Variants in TTN observed in about 807,000 individuals in gnomAD.
TTN encodes the protein titin, also known as connectin.
A neutral mutation model predicts 3,223.0 loss-of-function variants in TTN; 1,525 were observed. The observed-to-expected ratio is 0.47, with a 90% CI of 0.45 to 0.49. The LOEUF (loss-of-function observed/expected upper bound fraction) is 0.49, where lower values mean the gene tolerates loss of function less well. TTN is among the 20% of genes least tolerant of loss of function. The pLI is 0.00. For missense variants in TTN, 40,786 were observed against 43,424.0 expected (o/e 0.94, Z 5.40); for synonymous variants, 14,094 against 15,161.0 (o/e 0.93, Z 5.17).
chr2:178,628,052 A>T (rs928904323), intron 240 of TTN, among the ~76,000 whole-genome samples: 9 of 152,090 alleles, frequency 5.9e-5, no homozygotes, highest in Non-Finnish European at 1.3e-4. Flanking sequence ...CCCATGCTAC[A>T]AATGGAATGT....
Position 178,568,637 on chromosome 2 carries a change from G to A in TTN, c.77495C>T (p.Thr25832Ile). The A allele has an allele frequency of 6.2e-7, 1 of 1,613,404 alleles. No homozygotes were observed. The change falls in exon 326 of 363, where the codon ACT (threonine) becomes ATT (isoleucine). Residue 25832 changes from threonine to isoleucine, a missense_variant. Transcript: ENST00000589042. Reference protein sequence around the residue: ...SGRPKPTITWTKDGLPLKQTT... With the variant: ...SGRPKPTITWIKDGLPLKQTT... The stretch of plus-strand genomic sequence containing the variant: ...CTGCTTCAGTGGGAGACCATCTTTA[G>A]TCCAGGTAATGGTTGGCTTAGGACG...
intron 111 of TTN, among the ~76,000 whole-genome samples, chr2:178,700,592 T>C (rs181184578): frequency 5.3e-5 from 8 of 152,348 alleles, no homozygotes; most frequent in Non-Finnish European, 1.0e-4. Flanking sequence ...AGCAATTCCT[T>C]GGAACACTTA....
intron 250 of TTN, 95 bp from the exon 251 acceptor site, chr2:178,618,948 T>G: frequency 6.8e-7 from 1 of 1,480,538 alleles, no homozygotes; most frequent in Non-Finnish European, 9.0e-7. Flanking sequence ...ATTGGTTACA[T>G]AACCTTGGAA....
Position 178,554,046 on chromosome 2 carries a change from G to A in TTN, c.89065C>T (p.Arg29689Cys), listed in dbSNP as rs781635476. The part of the protein sequence containing the change: ...GWFKVLKETI[R>C]DTRQKVTGLT... The stretch of plus-strand genomic sequence containing the variant: ...CCTGTTACTTTTTGTCTGGTGTCAC[G>A]GATAGTCTCTTTTAGTACTTTAAAC... The change falls in exon 333 of 363, where the codon CGT (arginine) becomes TGT (cysteine). Residue 29689 changes from arginine (R) to cysteine (C), a missense_variant. Physicochemically the swap from Arg to Cys is radical, Grantham distance 180 (BLOSUM62 -3). Transcript: ENST00000589042. The A allele has an allele frequency of 1.4e-5, 23 of 1,613,630 alleles. No individual in the cohort carries two copies. Among genetic ancestry groups the A allele is most frequent in the Admixed American group, 5.0e-5 (3 of 59,974 alleles).
chr2:178,775,189 G>A lies in TTN; in HGVS notation c.6522C>T (p.Ile2174=). 1 of 1,613,862 alleles carries A rather than the reference G, an allele frequency of 6.2e-7. No homozygotes were observed. The highest frequency in any genetic ancestry group is 8.5e-7 in the Non-Finnish European group (1 of 1,179,952). Residue 2174 remains isoleucine, a synonymous_variant, in exon 29 of 363, where the codon ATC becomes ATT. Transcript: ENST00000589042. Reference sequence around the variant, plus strand: ...CATCTTGTAATTCCTGTGTGAAAGTGATCAATTGCTTGGCTACAAGAAAAA... The same window carrying A: ...CATCTTGTAATTCCTGTGTGAAAGTAATCAATTGCTTGGCTACAAGAAAAA... The part of the protein sequence containing the change: ...AFLLVQAKQL[I]TFTQELQDVV...
At position 178,532,788 on chromosome 2, in the gene TTN, T is replaced by C; in HGVS notation, c.103827A>G (p.Pro34609=). ...RWEQFYVMPL[P]RITDQYRPKW... is the part of the protein sequence containing the mutation. ...TAGGTCTGTATTGATCTGTAATGCG[T>C]GGAAGAGGCATCACATAGAACTGTT... The change falls in exon 358 of 363, where the codon CCA becomes CCG. Residue 34609 remains proline (P), a synonymous_variant. Transcript: ENST00000589042. The C allele has an allele frequency of 6.2e-7, 1 of 1,613,970 alleles. No homozygotes were observed. Among genetic ancestry groups the C allele is most frequent in the Non-Finnish European group, 8.5e-7 (1 of 1,179,856 alleles).
At chr2:178,606,750 T>A (rs1410957811) in intron 278 of TTN, among the ~76,000 whole-genome samples, 1 of 151,992 alleles carries the variant, frequency 6.6e-6, no homozygotes, top group Non-Finnish European at 1.5e-5. Flanking sequence ...ATGTCTAAAC[T>A]ACTTCTAGGT....
chr2:178,746,661 T>C (rs1368385310), intron 47 of TTN: 11 of 1,613,178 alleles, frequency 6.8e-6, no homozygotes, highest in Admixed American at 3.3e-5. Flanking sequence ...CCTTCTCCTT[T>C]TTGAATGTTA....
chr2:178,739,087 C>A (rs906052316), intron 48 of TTN, 54 bp downstream of exon 48: 16 of 1,467,250 alleles, frequency 1.1e-5, no homozygotes, highest in Admixed American at 2.6e-5. Context: ...CAAGCTAAAT[C>A]ATTACAATCC....
Position 178,646,544 on chromosome 2 carries a change from T to C in TTN, c.40238A>G (p.Lys13413Arg). ...TPPVEEREIE[K>R]YIKPEEPEPE... ...TTCGGGCTCTTCAGGTTTAATATACTTTTCAATTTCACGTTCTTTAAAGAA... is the reference window on the plus strand; with the variant it reads ...TTCGGGCTCTTCAGGTTTAATATACCTTTCAATTTCACGTTCTTTAAAGAA... Residue 13413 changes from lysine (K) to arginine (R), a missense_variant, in exon 216 of 363, where the codon AAG becomes AGG. Coordinates refer to ENST00000589042, the MANE Select transcript of TTN (RefSeq NM_001267550.2). 1.3e-6 allele frequency: 2 copies of C among 1,546,162 alleles called. No individual in the cohort carries two copies. The highest frequency in any genetic ancestry group is 1.7e-6 in the Non-Finnish European group (2 of 1,143,832).
At position 178,602,057 on chromosome 2, in the gene TTN, C is replaced by T. The variant is rs771921519; in HGVS notation, c.55214G>A (p.Arg18405His). 9.3e-6 allele frequency: 15 copies of T among 1,612,682 alleles called. No individual in the cohort carries two copies. The Admixed American group carries it at 1.0e-4, about 11-fold the overall frequency. ...QIRIPAVIKG[R>H]PTPKSSWEFD... ...TTCCCAAGATGATTTTGGTGTTGGG[C>T]GTCCCTTGATGACAGCAGGAATCCT... The change falls in exon 284 of 363, where the codon CGC (arginine) becomes CAC (histidine). Residue 18405 changes from arginine to histidine, a missense_variant. Transcript: ENST00000589042.
At chr2:178,685,037 G>A (rs932539034) in intron 129 of TTN, 48 bp from the exon 130 acceptor site, 1 of 1,453,584 alleles carries the variant, frequency 6.9e-7, no homozygotes, top group African/African-American at 1.4e-5. Context: ...TACATATGAA[G>A]TGACACAGTT....
Position 178,591,435 on chromosome 2 carries a change from C to T in TTN, c.60290G>A (p.Arg20097Lys). Residue 20097 changes from arginine to lysine, a missense_variant, in exon 304 of 363, where the codon AGA (arginine) becomes AAA (lysine). Transcript: ENST00000589042. ...GLVVKAGTTV[R>K]FPAIIRGVPV... Reference sequence around the variant, plus strand: ...CACACCTCTTATAATAGCAGGGAATCTGACTGTGGTTCCAGCCTTTACCAC... The same window carrying T: ...CACACCTCTTATAATAGCAGGGAATTTGACTGTGGTTCCAGCCTTTACCAC... The T allele has an allele frequency of 6.2e-7, 1 of 1,605,100 alleles. No homozygotes were observed. Among genetic ancestry groups the T allele is most frequent in the Non-Finnish European group, 8.5e-7 (1 of 1,176,074 alleles).
rs147653983 is a variant in TTN, at chr2:178,686,615, A to G, written c.32312-1017T>C. Among the ~76,000 whole-genome samples, 362 of 151,530 alleles carry G rather than the reference A, an allele frequency of 2.4e-3. 2 individuals carry two copies. The highest frequency in any genetic ancestry group is 5.6e-3 in the African/African-American group (231 of 41,252). Reference sequence around the variant, plus strand: ...TAATTTTTGTAGAATGGGGCTTGCTATGTTGCATAGGCTGGTCTTGAACTC... The same window carrying G: ...TAATTTTTGTAGAATGGGGCTTGCTGTGTTGCATAGGCTGGTCTTGAACTC... On this transcript the variant is annotated intron_variant, in intron 127 of 362. Transcript: ENST00000589042.
At chr2:178,750,658 T>C in intron 47 of TTN, 1 of 1,612,840 alleles carries the variant, frequency 6.2e-7, no homozygotes, top group Non-Finnish European at 8.5e-7. Flanking sequence ...CATCAATTCG[T>C]GTAGAAGCAG....
intron 127 of TTN, among the ~76,000 whole-genome samples, chr2:178,686,112 A>AATTTTTTTTTTTTTTTTTTT (rs2070794365): frequency 1.0e-5 from 1 of 97,924 alleles, no homozygotes; most frequent in Non-Finnish European, 2.0e-5. Context: ...ATACAGTTTT[A>AATTTTTTTTTTTTTTTTTTT]ATTTTTTTTT....
Position 178,740,360 on chromosome 2 carries a change from G to A in TTN, c.12873C>T (p.Val4291=), listed in dbSNP as rs747114179. The A allele has an allele frequency of 6.2e-7, 1 of 1,613,626 alleles. No individual in the cohort carries two copies. Among genetic ancestry groups the A allele is most frequent in the Non-Finnish European group, 8.5e-7 (1 of 1,179,762 alleles). The part of the protein sequence containing the change: ...MISQVNYEPL[V]PSEHSCTEGG... The stretch of plus-strand genomic sequence containing the variant: ...CTTCTGTGCATGAGTGTTCTGAAGG[G>A]ACTAGGGGCTCATAGTTTACCTGAG... The change falls in exon 48 of 363, where the codon GTC becomes GTT. Residue 4291 remains valine, a synonymous_variant. Coordinates refer to ENST00000589042, the MANE Select transcript of TTN (RefSeq NM_001267550.2).
rs1244227970 is a variant in TTN at position 178,609,329 on chromosome 2, G to T, written c.51981C>A (p.Ser17327Arg). Reference protein sequence around the residue: ...PLTQRLSIDNSKKGESQLRVR... With the variant: ...PLTQRLSIDNRKKGESQLRVR... ...CGCGTAGCTGAGATTCTCCCTTTTTGCTGTTGTCAATACTCAAACGCTGTG... is the reference window on the plus strand; with the variant it reads ...CGCGTAGCTGAGATTCTCCCTTTTTTCTGTTGTCAATACTCAAACGCTGTG... The change falls in exon 273 of 363, where the codon AGC becomes AGA. Residue 17327 changes from serine (S) to arginine (R), a missense_variant. By Grantham distance (110) the Ser-to-Arg change is moderately radical. Transcript: ENST00000589042. 1 of 1,606,386 alleles carries T rather than the reference G, an allele frequency of 6.2e-7. No homozygotes were observed. The highest frequency in any genetic ancestry group is 8.5e-7 in the Non-Finnish European group (1 of 1,177,202).
chr2:178,685,204 T>A lies in TTN; in HGVS notation c.32470+49A>T, dbSNP rs1396454357. ...AGTTATGCAAATGTGAAGGTATTAT[T>A]ATATACATTAAAATAAATAGTGTTG... On this transcript the variant is annotated intron_variant, in intron 129 of 362. Coordinates refer to ENST00000589042, the MANE Select transcript of TTN (RefSeq NM_001267550.2). 7.0e-6 allele frequency: 10 copies of A among 1,426,382 alleles called. 1 individual carries two copies. The South Asian group carries it at 1.3e-4, about 19-fold the overall frequency. 88.4% of individuals were successfully genotyped at this position (1,426,382 alleles called of 1,614,324 possible).
Sources: gnomAD v4.1 joint callset for allele counts (sites outside exome capture counted in the v4.1 genomes callset) on GRCh38, gnomAD v4.1.1 for gene constraint, MANE v1.5 for transcripts, NCBI Gene and HGNC (gene_info 2026-07-23, HGNC 2026-07-21) for gene names.